The following USH2A variants were observed in gnomAD, a reference collection of about 807,000 sequenced individuals.
USH2A encodes the protein usherin.
Under a neutral mutation model 538.9 loss-of-function variants are expected in USH2A, and 443 were observed. The ratio of observed to expected loss-of-function variants is 0.82; its 90% CI spans 0.76 to 0.89. The LOEUF (loss-of-function observed/expected upper bound fraction) is 0.89, where lower values mean the gene tolerates loss of function less well. Among genes scored for constraint, USH2A ranks in the 40% least tolerant of loss-of-function variants. The pLI is 0.00. For missense variants in USH2A, 6,633 were observed against 6,324.8 expected (o/e 1.05, Z -1.65); for synonymous variants, 2,413 against 2,273.5 (o/e 1.06, Z -1.75).
intron 37 of USH2A, among the ~76,000 whole-genome samples, chr1:215,941,676 T>C (rs1471722310): frequency 6.6e-6 from 1 of 152,170 alleles, no homozygotes; most frequent in Admixed American, 6.6e-5. Context: ...CCTGTGGTGC[T>C]ACTAGGATCA....
chr1:216,101,717 G>T (rs1478001757), intron 21 of USH2A, among the ~76,000 whole-genome samples: 4 of 152,192 alleles, frequency 2.6e-5, no homozygotes, highest in Non-Finnish European at 5.9e-5. Context: ...TTCAAAAAAT[G>T]AGACAGGAAA....
intron 9 of USH2A, among the ~76,000 whole-genome samples, chr1:216,308,408 C>CT (rs34633319): frequency 7.9e-5 from 12 of 151,394 alleles, no homozygotes; most frequent in African/African-American, 2.2e-4. Flanking sequence ...TTATCACATT[C>CT]TTTTTTTTTA....
At chr1:215,684,768 C>T (rs1025788320) in intron 61 of USH2A, among the ~76,000 whole-genome samples, 3 of 152,160 alleles carry the variant, frequency 2.0e-5, no homozygotes, top group East Asian at 3.9e-4. Context: ...TCTCCCTTAT[C>T]CTGGGCTCTT....
chr1:215,651,417 A>G (rs1447279353), intron 64 of USH2A, among the ~76,000 whole-genome samples: 2 of 152,216 alleles, frequency 1.3e-5, no homozygotes, highest in Non-Finnish European at 2.9e-5. Flanking sequence ...GCCCAATAAT[A>G]GCCAACTACA....
intron 9 of USH2A, among the ~76,000 whole-genome samples, chr1:216,305,587 GT>G (rs57750163): frequency 0.029 from 4,241 of 148,154 alleles, 214 homozygotes; most frequent in African/African-American, 0.097. Context: ...TTTAAATTGT[GT>G]TTTTTTTTTA....
chr1:216,335,948 C>G (rs1404863516), intron 4 of USH2A, among the ~76,000 whole-genome samples: 6 of 151,430 alleles, frequency 4.0e-5, no homozygotes, highest in Middle Eastern at 3.4e-3. Flanking sequence ...ACCCTAATAC[C>G]AAAAACATCA....
chr1:215,872,953 G>A (rs1004297122), intron 43 of USH2A, among the ~76,000 whole-genome samples: 3 of 152,010 alleles, frequency 2.0e-5, no homozygotes, highest in Non-Finnish European at 4.4e-5. Flanking sequence ...AGAGGAAGAC[G>A]CTGGCACCAG....
chr1:215,903,977 C>T (rs1665569104), intron 38 of USH2A, among the ~76,000 whole-genome samples: 1 of 152,008 alleles, frequency 6.6e-6, no homozygotes, highest in Non-Finnish European at 1.5e-5. Context: ...TGGTTTTTAA[C>T]AATCATAATT....
intron 16 of USH2A, among the ~76,000 whole-genome samples, chr1:216,206,786 T>C (rs1219799564): frequency 6.6e-6 from 1 of 152,236 alleles, no homozygotes; most frequent in African/African-American, 2.4e-5. Context: ...AACATCTGAA[T>C]CATTTTCAAT....
At chr1:216,112,994 T>C (rs1429547924) in intron 21 of USH2A, among the ~76,000 whole-genome samples, 2 of 152,178 alleles carry the variant, frequency 1.3e-5, no homozygotes, top group Middle Eastern at 6.8e-3. Flanking sequence ...CTGGGTCAAA[T>C]GGTGGTTCTG....
intron 37 of USH2A, among the ~76,000 whole-genome samples, chr1:215,957,640 A>T (rs1265504259): frequency 2.6e-5 from 4 of 152,164 alleles, no homozygotes. Flanking sequence ...ACGACAAGCC[A>T]CATTACGCCG....
chr1:216,364,459 T>G (rs1218056411), intron 4 of USH2A, among the ~76,000 whole-genome samples: 1 of 152,210 alleles, frequency 6.6e-6, no homozygotes, highest in East Asian at 1.9e-4. Flanking sequence ...ATCTGGAACC[T>G]GTAACTATGA....
Position 216,246,827 on chromosome 1 carries a change from T to G in USH2A, c.2567A>C (p.Asn856Thr). The change falls in exon 13 of 72, where the codon AAT (asparagine) becomes ACT (threonine). Residue 856 changes from asparagine (N) to threonine (T), a missense_variant. Physicochemically the swap from Asn to Thr is moderately conservative, Grantham distance 65 (BLOSUM62 0). Coordinates refer to ENST00000307340, the MANE Select transcript of USH2A (RefSeq NM_206933.4). ...TGATTTGTTACACAGCAGAGAGCCA[T>G]TTATTGTCCCAGTCTTATCACAGTT... is the stretch of plus-strand genomic sequence containing the variant. ...PCNCDKTGTI[N>T]GSLLCNKSTG... 6.2e-7 allele frequency: 1 copy of G among 1,614,152 alleles called. No homozygotes were observed. Among genetic ancestry groups the G allele is most frequent in the Non-Finnish European group, 8.5e-7 (1 of 1,179,988 alleles).
chr1:216,058,305 C>A (rs1407482000), intron 30 of USH2A, among the ~76,000 whole-genome samples: 1 of 148,854 alleles, frequency 6.7e-6, no homozygotes, highest in Non-Finnish European at 1.5e-5. Flanking sequence ...AAATGATAAA[C>A]CCATCTCTGT....
intron 49 of USH2A, among the ~76,000 whole-genome samples, chr1:215,809,508 T>C (rs1286344421): frequency 2.0e-5 from 3 of 152,058 alleles, no homozygotes; most frequent in Non-Finnish European, 4.4e-5. Context: ...TATTTTTTTT[T>C]CCTCAAAAAG....
chr1:215,838,302 A>T (rs1253631608), intron 46 of USH2A, among the ~76,000 whole-genome samples, 199 bp from the exon 47 acceptor site: 1 of 152,168 alleles, frequency 6.6e-6, no homozygotes, highest in Non-Finnish European at 1.5e-5. Flanking sequence ...ATTGGGATCA[A>T]GATAATTGAT....
chr1:216,289,141 C>A, intron 11 of USH2A, 139 bp downstream of exon 11: 2 of 1,297,896 alleles, frequency 1.5e-6, no homozygotes, highest in East Asian at 2.4e-5. Context: ...TGCACACGAA[C>A]AACCATCTCT....
intron 15 of USH2A, among the ~76,000 whole-genome samples, chr1:216,211,165 T>C (rs1343440151): frequency 2.0e-5 from 3 of 152,102 alleles, no homozygotes; most frequent in Middle Eastern, 3.2e-3. Context: ...CAATATCCTG[T>C]ATCATAAATC....
intron 4 of USH2A, among the ~76,000 whole-genome samples, chr1:216,333,805 T>C (rs1370313370): frequency 6.6e-6 from 1 of 152,004 alleles, no homozygotes; most frequent in African/African-American, 2.4e-5. Flanking sequence ...GGGAGAAGAA[T>C]GACATATTTA....
Sources: allele counts gnomAD v4.1 joint callset (sites outside exome capture counted in the v4.1 genomes callset), GRCh38; gene constraint gnomAD v4.1.1; transcripts MANE v1.5; gene names NCBI Gene and HGNC (gene_info 2026-07-23, HGNC 2026-07-21).